CEP128: variants seen among roughly 807,000 people sequenced by gnomAD.
CEP128 encodes centrosomal protein 128kDa.
Under a neutral mutation model 156.7 loss-of-function variants are expected in CEP128, and 132 were observed. The ratio of observed to expected loss-of-function variants is 0.84; its 90% CI spans 0.73 to 0.97. The LOEUF (loss-of-function observed/expected upper bound fraction) is 0.97, where lower values mean the gene tolerates loss of function less well. Ranked by LOEUF, CEP128 falls within the 50% of genes least tolerant of loss-of-function variation. The pLI is 0.00. For missense variants in CEP128, 1,252 were observed against 1,281.9 expected (o/e 0.98, Z 0.36); for synonymous variants, 469 against 448.9 (o/e 1.04, Z -0.57).
intron 19 of CEP128, among the ~76,000 whole-genome samples, chr14:80,634,206 CAGAGGAATAACTGTTG>C (rs1738139231): frequency 6.6e-6 from 1 of 152,200 alleles, no homozygotes; most frequent in Non-Finnish European, 1.5e-5. Context: ...AGATTGCTTT[CAGAGGAATAACTGTTG>C]AGAAACAAAG....
intron 22 of CEP128, among the ~76,000 whole-genome samples, chr14:80,529,586 C>A (rs971281518): frequency 6.6e-6 from 1 of 152,082 alleles, no homozygotes; most frequent in African/African-American, 2.4e-5. Context: ...ACAAGTGCAA[C>A]CTGTTTCCCA....
At chr14:80,880,965 T>C (rs117384881) in intron 8 of CEP128, among the ~76,000 whole-genome samples, 7,401 of 147,740 alleles carry the variant, frequency 0.05, 376 homozygotes, top group South Asian at 0.23. Flanking sequence ...TTATACACAA[T>C]TATGTAACTG....
In CEP128 at chr14:80,785,052, T is replaced by A. The variant is rs753868797; in HGVS notation, c.2054A>T (p.Gln685Leu). 6 of 1,614,216 alleles carry A rather than the reference T, an allele frequency of 3.7e-6. No individual in the cohort carries two copies. The highest frequency in any genetic ancestry group is 5.1e-6 in the Non-Finnish European group (6 of 1,180,012). Residue 685 changes from glutamine to leucine, a missense_variant, in exon 15 of 25, where the codon CAG (glutamine) becomes CTG (leucine). Physicochemically the swap from Gln to Leu is moderately radical, Grantham distance 113. Coordinates refer to ENST00000555265, the MANE Select transcript of CEP128 (RefSeq NM_152446.5). ...GTGCACATCTCGTTCCAGCTTTAAC[T>A]GTGTGATGATTGTAGCTGTTTCTTC... ...RDEETATIIT[Q>L]LKLERDVHQR... is the part of the protein sequence containing the mutation.
chr14:80,633,622 T>A (rs1894057288), intron 19 of CEP128, among the ~76,000 whole-genome samples: 1 of 152,194 alleles, frequency 6.6e-6, no homozygotes, highest in African/African-American at 2.4e-5. Context: ...GCATCCCTAT[T>A]CCCACACCTA....
intron 20 of CEP128, among the ~76,000 whole-genome samples, chr14:80,573,247 A>G (rs569797522): frequency 9.9e-5 from 15 of 152,224 alleles, no homozygotes; most frequent in African/African-American, 3.6e-4. Context: ...AACTTTTTAA[A>G]TAAACTTTCT....
chr14:80,918,915 T>C (rs1171631305), intron 2 of CEP128, among the ~76,000 whole-genome samples: 1 of 152,188 alleles, frequency 6.6e-6, no homozygotes, highest in African/African-American at 2.4e-5. Context: ...TTTGTTTCCT[T>C]ATTCCTTTTA....
chr14:80,637,029 T>C (rs1233512157), intron 19 of CEP128, among the ~76,000 whole-genome samples: 1 of 151,030 alleles, frequency 6.6e-6, no homozygotes, highest in Non-Finnish European at 1.5e-5. Flanking sequence ...GAGGTTGTGG[T>C]GAGCCAAGAT....
intron 19 of CEP128, among the ~76,000 whole-genome samples, chr14:80,729,088 T>G (rs1898155107): frequency 2.9e-5 from 2 of 68,718 alleles, no homozygotes; most frequent in African/African-American, 6.5e-5. Flanking sequence ...TGTGTGTGTG[T>G]GTGTGTGTGT....
chr14:80,767,464 A>C (rs1313502594), intron 16 of CEP128, among the ~76,000 whole-genome samples: 1 of 152,132 alleles, frequency 6.6e-6, no homozygotes, highest in Non-Finnish European at 1.5e-5. Context: ...CAAAGCAAAA[A>C]TAACTCTAAA....
intron 9 of CEP128, among the ~76,000 whole-genome samples, chr14:80,855,863 A>G (rs1566673166): frequency 1.3e-5 from 2 of 152,180 alleles, no homozygotes; most frequent in African/African-American, 2.4e-5. Flanking sequence ...ACACATTAGA[A>G]AAACATCCTA....
chr14:80,867,593 T>C (rs1887827888), intron 8 of CEP128, among the ~76,000 whole-genome samples: 1 of 151,786 alleles, frequency 6.6e-6, no homozygotes, highest in Admixed American at 6.6e-5. Context: ...ACTGAATAAT[T>C]CCAGAGCAAT....
chr14:80,862,146 T>C (rs906490591), intron 9 of CEP128, among the ~76,000 whole-genome samples: 2 of 152,092 alleles, frequency 1.3e-5, no homozygotes, highest in African/African-American at 4.8e-5. Context: ...AATTCAGGAG[T>C]TGTCAGACTT....
chr14:80,654,415 G>A (rs558223823), intron 19 of CEP128, among the ~76,000 whole-genome samples: 1 of 152,120 alleles, frequency 6.6e-6, no homozygotes, highest in Non-Finnish European at 1.5e-5. Context: ...GATATGGGAA[G>A]TAAAGAACTA....
intron 19 of CEP128, among the ~76,000 whole-genome samples, chr14:80,600,299 T>C (rs1313529565): frequency 6.6e-6 from 1 of 152,158 alleles, no homozygotes; most frequent in Non-Finnish European, 1.5e-5. Flanking sequence ...GAACTTCAAA[T>C]AGGATAAATT....
At chr14:80,685,309 A>G (rs906239104) in intron 19 of CEP128, among the ~76,000 whole-genome samples, 4 of 152,138 alleles carry the variant, frequency 2.6e-5, no homozygotes, top group African/African-American at 9.7e-5. Context: ...AACAATATTC[A>G]AGCTGAGAGC....
At chr14:80,729,128 T>TG (rs1244814152) in intron 19 of CEP128, among the ~76,000 whole-genome samples, 2 of 123,786 alleles carry the variant, frequency 1.6e-5, no homozygotes, top group African/African-American at 5.5e-5. Flanking sequence ...TGTGTGTGTG[T>TG]TTACCCAGTG....
intron 21 of CEP128, among the ~76,000 whole-genome samples, chr14:80,534,505 T>C (rs1889385652): frequency 6.6e-6 from 1 of 152,198 alleles, no homozygotes; most frequent in Admixed American, 6.5e-5. Flanking sequence ...ATCTCATGCC[T>C]TAAAGGGCAT....
chr14:80,673,706 G>C (rs1895949018), intron 19 of CEP128, among the ~76,000 whole-genome samples: 1 of 139,774 alleles, frequency 7.2e-6, no homozygotes, highest in Non-Finnish European at 1.5e-5. Context: ...ATTCGGAAAC[G>C]TAAAACCGCT....
At chr14:80,594,539 A>G (rs1204343403) in intron 19 of CEP128, among the ~76,000 whole-genome samples, 1 of 152,186 alleles carries the variant, frequency 6.6e-6, no homozygotes, top group Non-Finnish European at 1.5e-5. Flanking sequence ...CAGGCAACAT[A>G]CAGAATGGGA....
Sources: allele counts gnomAD v4.1 joint callset (sites outside exome capture counted in the v4.1 genomes callset), GRCh38; gene constraint gnomAD v4.1.1; transcripts MANE v1.5; gene names NCBI Gene and HGNC (gene_info 2026-07-23, HGNC 2026-07-21).